CYP3A7: variants seen among roughly 807,000 people sequenced by gnomAD.
CYP3A7 encodes the protein cytochrome P450 family 3 subfamily A member 7.
CYP3A7 carries 45 observed loss-of-function variants against 55.2 expected under a neutral mutation model. The ratio of observed to expected loss-of-function variants is 0.82; its 90% CI spans 0.64 to 1.05. The LOEUF (loss-of-function observed/expected upper bound fraction) is 1.05, where lower values mean the gene tolerates loss of function less well. Among genes scored for constraint, CYP3A7 ranks in the 50% least tolerant of loss-of-function variants. CYP3A7 has a pLI of 0.00. For missense variants in CYP3A7, 548 were observed against 605.3 expected (o/e 0.91, Z 0.99); for synonymous variants, 180 against 207.4 (o/e 0.87, Z 1.13).
At chr7:99,731,614 G>A (rs117302153) in intron 1 of CYP3A7, among the ~76,000 whole-genome samples, 8 of 152,242 alleles carry the variant, frequency 5.3e-5, no homozygotes, top group Admixed American at 4.6e-4. Context: ...AGTCACAGGG[G>A]GTCACTGAGA....
intron 3 of CYP3A7, among the ~76,000 whole-genome samples, chr7:99,721,361 A>AC (rs1245009417): frequency 6.6e-6 from 1 of 152,190 alleles, no homozygotes; most frequent in Non-Finnish European, 1.5e-5. Context: ...ATATTTCTCA[A>AC]CCCTTCTTTC....
At chr7:99,724,832 A>G (rs1261756664) in intron 2 of CYP3A7, among the ~76,000 whole-genome samples, 1 of 152,110 alleles carries the variant, frequency 6.6e-6, no homozygotes, top group African/African-American at 2.4e-5. Flanking sequence ...AGACCCCACT[A>G]AATATATACA....
chr7:99,723,586 A>C (rs1188213633), intron 2 of CYP3A7, among the ~76,000 whole-genome samples: 3 of 152,136 alleles, frequency 2.0e-5, no homozygotes, highest in African/African-American at 4.8e-5. Flanking sequence ...TTTGGTGCCA[A>C]AGACCTGGGA....
At chr7:99,707,600 C>G (rs986687200) in intron 12 of CYP3A7, among the ~76,000 whole-genome samples, 3 of 152,162 alleles carry the variant, frequency 2.0e-5, no homozygotes, top group Non-Finnish European at 2.9e-5. Context: ...TCATGCTAGT[C>G]TACATTGACA....
chr7:99,715,413 A>G (rs1269022920), intron 7 of CYP3A7: 1 of 315,742 alleles, frequency 3.2e-6, no homozygotes, highest in African/African-American at 2.2e-5. Context: ...AATACAGACT[A>G]AAGTACAAAT....
At chr7:99,734,341 G>T (rs1020422908) in intron 1 of CYP3A7, among the ~76,000 whole-genome samples, 2 of 152,154 alleles carry the variant, frequency 1.3e-5, no homozygotes, top group African/African-American at 2.4e-5. Flanking sequence ...GCTCTAGGAT[G>T]CCAGGATCTC....
intron 8 of CYP3A7, 143 bp downstream of exon 8, chr7:99,714,412 A>G (rs1374540080): frequency 2.5e-5 from 34 of 1,351,432 alleles, no homozygotes; most frequent in Middle Eastern, 2.7e-4. Flanking sequence ...TTCCTACCAA[A>G]TGAATTATCT....
At position 99,734,492 on chromosome 7, in the gene CYP3A7, C is replaced by A. The variant is rs1455450049; in HGVS notation, c.71+531G>T. Reference sequence around the variant, plus strand: ...TGCTGTCCCTAAACCCTTCTTTCCACTAAAGATGAATGGGGGAGATGCTTA... The same window carrying A: ...TGCTGTCCCTAAACCCTTCTTTCCAATAAAGATGAATGGGGGAGATGCTTA... On this transcript the variant is annotated intron_variant, in intron 1 of 12. Transcript: ENST00000336374. Among the ~76,000 whole-genome samples, 5 of 152,306 alleles carry A rather than the reference C, an allele frequency of 3.3e-5. No individual in the cohort carries two copies. In the East Asian group the frequency reaches 7.7e-4, roughly 23 times the overall value.
intron 3 of CYP3A7, 163 bp from the exon 4 acceptor site, chr7:99,720,575 G>T: frequency 1.4e-6 from 1 of 722,576 alleles, no homozygotes. Context: ...CACAGCAAGA[G>T]TCTGACACAG....
At chr7:99,721,179 C>A (rs1329499421) in intron 3 of CYP3A7, among the ~76,000 whole-genome samples, 1 of 152,186 alleles carries the variant, frequency 6.6e-6, no homozygotes, top group Non-Finnish European at 1.5e-5. Flanking sequence ...TAAGAATATT[C>A]AGCATCTCTT....
chr7:99,708,017 T>C, intron 11 of CYP3A7, 43 bp from the exon 12 acceptor site: 8 of 1,613,074 alleles, frequency 5.0e-6, no homozygotes, highest in Non-Finnish European at 5.9e-6. Flanking sequence ...AAAGACATAA[T>C]ACCTCTAAGA....
At chr7:99,710,429 C>T (rs142161150) in intron 10 of CYP3A7, among the ~76,000 whole-genome samples, 2 of 152,138 alleles carry the variant, frequency 1.3e-5, no homozygotes, top group African/African-American at 2.4e-5. Flanking sequence ...ACTATCAAGA[C>T]GTGTGAGCAA....
chr7:99,733,352 G>A (rs796161480), intron 1 of CYP3A7, among the ~76,000 whole-genome samples: 6 of 152,292 alleles, frequency 3.9e-5, no homozygotes, highest in Admixed American at 1.3e-4. Flanking sequence ...CAAGGCAGAG[G>A]CTGTGCTTGG....
rs796440842 is a variant in CYP3A7 at position 99,717,070 on chromosome 7, T to G, written c.521+107A>C. On this transcript the variant is annotated intron_variant, in intron 6 of 12. Coordinates refer to ENST00000336374, the MANE Select transcript of CYP3A7 (RefSeq NM_000765.5). ...TGAAGTTGCATTACCACAGCCCTCC[T>G]TTTGTCTGGTCACTGGAATAACCCA... is the stretch of plus-strand genomic sequence containing the variant. 10 of 1,433,514 alleles carry G rather than the reference T, an allele frequency of 7.0e-6. No homozygotes were observed. In the African/African-American group the frequency reaches 9.8e-5, roughly 14 times the overall value. The allele number at this position is 1,433,514 out of a possible 1,614,324, so 88.8% of individuals were successfully genotyped here. A position where few individuals can be genotyped will look rare whatever the true frequency, so the allele number is the denominator to read the frequency against.
chr7:99,714,424 G>T, intron 8 of CYP3A7, 131 bp downstream of exon 8: 1 of 1,406,508 alleles, frequency 7.1e-7, no homozygotes, highest in Non-Finnish European at 9.5e-7. Flanking sequence ...GAATTATCTT[G>T]CTCTAAACAT....
intron 2 of CYP3A7, among the ~76,000 whole-genome samples, chr7:99,726,836 A>G (rs185790550): frequency 2.8e-4 from 43 of 152,282 alleles, no homozygotes; most frequent in African/African-American, 1.0e-3. Context: ...CCAAAGCTCA[A>G]ATTTCTTCTC....
At chr7:99,718,563 A>G (rs559823311) in intron 4 of CYP3A7, among the ~76,000 whole-genome samples, 1 of 152,296 alleles carries the variant, frequency 6.6e-6, no homozygotes, top group South Asian at 2.1e-4. Context: ...ATCTACAAAA[A>G]AACCCACTTC....
chr7:99,706,686 G>A (rs890805308), intron 12 of CYP3A7, among the ~76,000 whole-genome samples: 4 of 152,196 alleles, frequency 2.6e-5, no homozygotes, highest in Non-Finnish European at 5.9e-5. Flanking sequence ...TATTTTCCCT[G>A]CAGACAGACA....
intron 3 of CYP3A7, 151 bp downstream of exon 3, chr7:99,722,145 A>G (rs1429727246): frequency 3.2e-6 from 3 of 946,980 alleles, no homozygotes; most frequent in East Asian, 2.6e-5. Context: ...TCCCAAATAC[A>G]TATCTTCTTC....
Sources: gnomAD v4.1 joint callset for allele counts (sites outside exome capture counted in the v4.1 genomes callset) on GRCh38, gnomAD v4.1.1 for gene constraint, MANE v1.5 for transcripts, NCBI Gene and HGNC (gene_info 2026-07-23, HGNC 2026-07-21) for gene names.